Variants in CLXN observed in about 807,000 individuals in gnomAD.
The protein encoded by CLXN is calaxin.
At chr8:48,711,670 C>T in the CLXN span, 62 of 152,284 alleles carry the variant, frequency 4.1e-4, 1 homozygote, top group East Asian at 0.01. Context: ...CGAGGGTCTG[C>T]CGGGAGATTC....
the CLXN span, among the ~76,000 whole-genome samples, chr8:48,714,314 G>A: frequency 2.0e-5 from 3 of 152,188 alleles, no homozygotes; most frequent in Non-Finnish European, 2.9e-5. Flanking sequence ...GAAATTAAGA[G>A]AATCCATCAA....
At chr8:48,720,065 G>T in the CLXN span, among the ~76,000 whole-genome samples, 3 of 152,218 alleles carry the variant, frequency 2.0e-5, no homozygotes, top group African/African-American at 7.2e-5. Flanking sequence ...TCTTATGCCT[G>T]TCTTTACTTT....
At chr8:48,726,378 A>G in the CLXN span, among the ~76,000 whole-genome samples, 7 of 143,988 alleles carry the variant, frequency 4.9e-5, no homozygotes, top group African/African-American at 1.8e-4. Flanking sequence ...CTGCCCATCC[A>G]TCTATTCACC....
chr8:48,726,450 C>T, the CLXN span, among the ~76,000 whole-genome samples: 1 of 150,024 alleles, frequency 6.7e-6, no homozygotes, highest in Non-Finnish European at 1.5e-5. Flanking sequence ...ACCCACCCAC[C>T]TACCTCACCC....
At chr8:48,713,392 C>T in the CLXN span, among the ~76,000 whole-genome samples, 4 of 152,098 alleles carry the variant, frequency 2.6e-5, no homozygotes, top group Admixed American at 6.6e-5. Context: ...ACTGGGCGAG[C>T]GTCAGAGGTG....
chr8:48,725,745 G>T, the CLXN span, among the ~76,000 whole-genome samples: 2 of 151,908 alleles, frequency 1.3e-5, no homozygotes, highest in East Asian at 3.9e-4. Context: ...CGGAGGTTGC[G>T]GTGAGCCGAG....
At chr8:48,731,760 T>C in the CLXN span, among the ~76,000 whole-genome samples, 1 of 152,130 alleles carries the variant, frequency 6.6e-6, no homozygotes, top group Non-Finnish European at 1.5e-5. Flanking sequence ...ATAATGATGG[T>C]GGTGTCGGAT....
chr8:48,729,820 T>G, the CLXN span: 1 of 1,613,448 alleles, frequency 6.2e-7, no homozygotes. Context: ...GTGAAACATT[T>G]CCTCCTTTGA....
At chr8:48,724,829 T>C in the CLXN span, 1 of 1,598,960 alleles carries the variant, frequency 6.3e-7, no homozygotes, top group Non-Finnish European at 8.5e-7. Context: ...CAATTTAGTA[T>C]AAATTTCCAA....
the CLXN span, chr8:48,729,111 G>A: frequency 6.2e-7 from 1 of 1,613,562 alleles, no homozygotes; most frequent in South Asian, 1.1e-5. Context: ...CCAGTTCATA[G>A]TCTGCAAAAG....
the CLXN span, chr8:48,729,982 A>G: frequency 2.1e-6 from 2 of 947,578 alleles, no homozygotes; most frequent in South Asian, 3.9e-5. Context: ...CACAGGTCTT[A>G]GTGCAGCCTG....
At chr8:48,730,708 A>T in the CLXN span, 1 of 874,696 alleles carries the variant, frequency 1.1e-6, no homozygotes. Context: ...AAGTATCTAC[A>T]TTGGCATCAC....
At chr8:48,711,878 G>A in the CLXN span, 1 of 152,198 alleles carries the variant, frequency 6.6e-6, no homozygotes. Context: ...GATGAAAATA[G>A]TAAGTAATGT....
At chr8:48,729,064 C>T in the CLXN span, 1 of 1,612,196 alleles carries the variant, frequency 6.2e-7, no homozygotes, top group Non-Finnish European at 8.5e-7. Flanking sequence ...AAGACATGGC[C>T]CAAAGGCCTC....
chr8:48,715,508 C>T, the CLXN span: 13 of 152,226 alleles, frequency 8.5e-5, no homozygotes, highest in African/African-American at 2.9e-4. Flanking sequence ...CAAAGGGGAT[C>T]GTTTTGGCTG....
the CLXN span, among the ~76,000 whole-genome samples, chr8:48,718,584 A>G: frequency 2.0e-5 from 3 of 152,166 alleles, no homozygotes; most frequent in Non-Finnish European, 4.4e-5. Context: ...CAAATTTAAG[A>G]AGACTGAAAT....
the CLXN span, chr8:48,735,287 A>G: frequency 2.0e-6 from 2 of 1,005,466 alleles, no homozygotes; most frequent in South Asian, 2.9e-5. Context: ...GCGCGGCCCT[A>G]ACAGACGGTG....
chr8:48,730,682 A>G, the CLXN span: 1 of 1,299,814 alleles, frequency 7.7e-7, no homozygotes, highest in African/African-American at 1.5e-5. Flanking sequence ...CCTGTCCTGC[A>G]TAATAACTCT....
the CLXN span, chr8:48,735,178 G>A: frequency 1.2e-6 from 2 of 1,613,324 alleles, no homozygotes; most frequent in Admixed American, 1.7e-5. Context: ...ATCGGGCCGC[G>A]GCGGGGGTCT....
Sources: allele counts gnomAD v4.1 joint callset (sites outside exome capture counted in the v4.1 genomes callset), GRCh38; gene constraint gnomAD v4.1.1; transcripts MANE v1.5; gene names NCBI Gene and HGNC (gene_info 2026-07-23, HGNC 2026-07-21).